PLA2R1: variants seen among roughly 807,000 people sequenced by gnomAD.
PLA2R1 encodes secretory phospholipase A2 receptor.
A neutral mutation model predicts 195.9 loss-of-function variants in PLA2R1; 158 were observed. The ratio of observed to expected loss-of-function variants is 0.81; its 90% CI spans 0.71 to 0.92. PLA2R1 has a LOEUF of 0.92. Ranked by LOEUF, PLA2R1 falls within the 40% of genes least tolerant of loss-of-function variation. The pLI is 0.00. For missense variants in PLA2R1, 1,626 were observed against 1,764.6 expected (o/e 0.92, Z 1.41); for synonymous variants, 586 against 598.2 (o/e 0.98, Z 0.30).
At chr2:159,978,903 A>G (rs948786698) in intron 14 of PLA2R1, among the ~76,000 whole-genome samples, 1 of 152,164 alleles carries the variant, frequency 6.6e-6, no homozygotes, top group Non-Finnish European at 1.5e-5. Flanking sequence ...ATGAGATATT[A>G]TAACATTGTG....
chr2:159,924,776 C>T, the PLA2R1 span, among the ~76,000 whole-genome samples: 1 of 150,764 alleles, frequency 6.6e-6, no homozygotes, highest in Non-Finnish European at 1.5e-5. Flanking sequence ...AAAATAAAAA[C>T]ACGAGAAGTG....
chr2:159,937,108 A>C lies in PLA2R1; in HGVS notation c.*4670T>G, dbSNP rs1686869510. On this transcript the variant is annotated 3_prime_UTR_variant, in exon 30 of 30. Transcript: ENST00000283243. Reference sequence around the variant, plus strand: ...CCTTCAGTTTTTTTTAAAGCATAGAAGTGGAAACACCCTACTTGCAAAGTG... The same window carrying C: ...CCTTCAGTTTTTTTTAAAGCATAGACGTGGAAACACCCTACTTGCAAAGTG... 1 of 152,182 alleles carries C rather than the reference A, an allele frequency of 6.6e-6. No individual in the cohort carries two copies. Among genetic ancestry groups the C allele is most frequent in the Non-Finnish European group, 1.5e-5 (1 of 68,028 alleles). 9.4% of individuals were successfully genotyped at this position (152,182 alleles called of 1,614,324 possible). A position where few individuals can be genotyped will look rare whatever the true frequency, so the allele number is the denominator to read the frequency against.
Position 159,955,820 on chromosome 2 carries a change from T to A in PLA2R1, c.3031A>T (p.Thr1011Ser), listed in dbSNP as rs759520911. 1.3e-6 allele frequency: 2 copies of A among 1,596,132 alleles called. No homozygotes were observed. The highest frequency in any genetic ancestry group is 1.7e-6 in the Non-Finnish European group (2 of 1,168,558). The change falls in exon 22 of 30, where the codon ACT (threonine) becomes TCT (serine). Residue 1011 changes from threonine (T) to serine (S), a missense_variant. By Grantham distance (58) the Thr-to-Ser change is moderately conservative (BLOSUM62 1). Coordinates refer to ENST00000283243, the MANE Select transcript of PLA2R1 (RefSeq NM_007366.5). ...IESEVEQAFI[T>S]MNLFGQTTSV... ...GTGGTCTGGCCAAAAAGATTCATAG[T>A]AATGAAAGCTGAAAAACAGGAATAC...
At chr2:160,011,763 G>A (rs376930523) in intron 10 of PLA2R1, among the ~76,000 whole-genome samples, 23 of 152,176 alleles carry the variant, frequency 1.5e-4, no homozygotes, top group Non-Finnish European at 2.9e-4. Context: ...CCTTTTGGGT[G>A]AGTTAACAAA....
Position 159,942,154 on chromosome 2 carries a change from G to C in PLA2R1, c.4150C>G (p.His1384Asp). 9.3e-6 allele frequency: 15 copies of C among 1,607,722 alleles called. No individual in the cohort carries two copies. The highest frequency in any genetic ancestry group is 1.2e-5 in the Non-Finnish European group (14 of 1,175,580). ...GFICKMEADI[H>D]TAEALPEKGP... ...TTTTCTGGCAGCGCCTCTGCAGTGTGAATATCTAAAATCAAATACAAAAAT... is the reference window on the plus strand; with the variant it reads ...TTTTCTGGCAGCGCCTCTGCAGTGTCAATATCTAAAATCAAATACAAAAAT... The change falls in exon 29 of 30, where the codon CAC (histidine) becomes GAC (aspartate). Residue 1384 changes from histidine (H) to aspartate (D), a missense_variant. Transcript: ENST00000283243.
intron 1 of PLA2R1, among the ~76,000 whole-genome samples, chr2:160,051,852 T>C (rs1285138029): frequency 1.3e-5 from 2 of 152,370 alleles, no homozygotes; most frequent in Non-Finnish European, 2.9e-5. Context: ...TCTCTCTGCA[T>C]GGAAATGTGC....
chr2:160,056,598 A>T (rs1695564105), intron 1 of PLA2R1, among the ~76,000 whole-genome samples: 1 of 152,074 alleles, frequency 6.6e-6, no homozygotes, highest in Non-Finnish European at 1.5e-5. Flanking sequence ...GTTTTTAAAT[A>T]TATATTTTCC....
intron 20 of PLA2R1, among the ~76,000 whole-genome samples, chr2:159,964,046 C>T (rs1435328569): frequency 6.6e-6 from 1 of 152,146 alleles, no homozygotes; most frequent in Non-Finnish European, 1.5e-5. Context: ...GCCCGTGCCA[C>T]ACAGGAATAT....
In PLA2R1 at chr2:159,956,627, A is replaced by C. The variant is rs767176033; in HGVS notation, c.2905T>G (p.Cys969Gly). 9.6e-6 allele frequency: 15 copies of C among 1,564,232 alleles called. No individual in the cohort carries two copies. The South Asian group carries it at 1.0e-4, about 10-fold the overall frequency. Residue 969 changes from cysteine to glycine, a missense_variant and splice_region_variant, in exon 21 of 30, where the codon TGC becomes GGC. Transcript: ENST00000283243. ...PKGWLYFNYK[C>G]LLLNIPKDPS... ...TCTTTGGGGATATTCAGCAGAAGGC[A>C]CTATCAAAAAATGTCAAAACAAAAC...
chr2:160,048,837 C>CTT (rs1559011533), intron 1 of PLA2R1, among the ~76,000 whole-genome samples: 1 of 143,704 alleles, frequency 7.0e-6, no homozygotes, highest in Non-Finnish European at 1.5e-5. Flanking sequence ...TTAGAAGAAA[C>CTT]ATTTTTTTTT....
In PLA2R1 at chr2:160,042,853, CAGAGGGAGAGAG is replaced by C. The variant is rs1694622435; in HGVS notation, c.494-667_494-656del. ...TGTGTGTGTGTGTGTATGTGTGAGACAGAGGGAGAGAGAGAGAGAGAGAGAAAGTGAGAGAGA... is the reference window on the plus strand; with the variant it reads ...TGTGTGTGTGTGTGTATGTGTGAGACAGAGAGAGAGAGAAAGTGAGAGAGA... On this transcript the variant is annotated intron_variant, in intron 2 of 29. Transcript: ENST00000283243. 3.3e-5 allele frequency among the ~76,000 whole-genome samples: 3 copies of C among 91,592 alleles called. No individual in the cohort carries two copies. The South Asian group carries it at 1.1e-3, about 33-fold the overall frequency. The allele number at this position is 91,592 out of a possible 152,430, so 60.1% of individuals were successfully genotyped here.
Position 159,934,929 on chromosome 2 carries a change from C to T in PLA2R1, c.*6849G>A, listed in dbSNP as rs554731639. ...ATCCATTTGAGGATTTCAACTTGCA[C>T]GTAGTTGTCATGTCTCTTTAGTGTC... On this transcript the variant is annotated 3_prime_UTR_variant, in exon 30 of 30. Coordinates refer to ENST00000283243, the MANE Select transcript of PLA2R1 (RefSeq NM_007366.5). 24 of 152,324 alleles carry T rather than the reference C, an allele frequency of 1.6e-4. 1 individual carries two copies. In the South Asian group the frequency reaches 3.1e-3, roughly 20 times the overall value. 9.4% of individuals were successfully genotyped at this position (152,324 alleles called of 1,614,324 possible).
At chr2:160,000,713 C>A (rs1449693809) in intron 11 of PLA2R1, among the ~76,000 whole-genome samples, 1 of 151,988 alleles carries the variant, frequency 6.6e-6, no homozygotes, top group Non-Finnish European at 1.5e-5. Flanking sequence ...CAAAGAACCA[C>A]AAACCAAATT....
intron 27 of PLA2R1, chr2:159,946,077 T>A (rs750195042): frequency 2.5e-5 from 23 of 931,428 alleles, no homozygotes; most frequent in Admixed American, 6.2e-5. Flanking sequence ...ACCAAGGGGG[T>A]AGGGGCGGTA....
At position 160,043,578 on chromosome 2, in the gene PLA2R1, A is replaced by G. The variant is rs1694681927; in HGVS notation, c.493+1196T>C. On this transcript the variant is annotated intron_variant, in intron 2 of 29. Coordinates refer to ENST00000283243, the MANE Select transcript of PLA2R1 (RefSeq NM_007366.5). The stretch of plus-strand genomic sequence containing the variant: ...CCAGCCTTAGCAGTTAGGGCTATTT[A>G]GGAACCGTAGGTATTTCAGGACATG... Among the ~76,000 whole-genome samples the G allele has an allele frequency of 2.6e-5, 4 of 152,272 alleles. No individual in the cohort carries two copies. The South Asian group carries it at 8.3e-4, about 32-fold the overall frequency.
chr2:159,998,081 C>A (rs1691348046), intron 11 of PLA2R1, among the ~76,000 whole-genome samples: 1 of 152,094 alleles, frequency 6.6e-6, no homozygotes, highest in Non-Finnish European at 1.5e-5. Context: ...AGGCCACAAT[C>A]ATACCTTCCT....
intron 6 of PLA2R1, among the ~76,000 whole-genome samples, chr2:160,026,993 C>T (rs1346880967): frequency 2.6e-5 from 4 of 152,062 alleles, no homozygotes; most frequent in East Asian, 1.9e-4. Context: ...ATTAGCCGGG[C>T]GTGGTGGCAG....
intron 13 of PLA2R1, among the ~76,000 whole-genome samples, chr2:159,983,047 G>A (rs1181736636): frequency 1.3e-5 from 2 of 152,270 alleles, no homozygotes; most frequent in Admixed American, 6.5e-5. Flanking sequence ...GGCCAAACTC[G>A]GGGGTGGGGG....
At chr2:159,970,388 A>G (rs772611329) in intron 17 of PLA2R1, among the ~76,000 whole-genome samples, 176 bp from the exon 18 acceptor site, 6 of 152,202 alleles carry the variant, frequency 3.9e-5, no homozygotes, top group Non-Finnish European at 7.3e-5. Flanking sequence ...ATCCTAAAAT[A>G]TTCCCCCCAT....
Sources: gnomAD v4.1 joint callset for allele counts (sites outside exome capture counted in the v4.1 genomes callset) on GRCh38, gnomAD v4.1.1 for gene constraint, MANE v1.5 for transcripts, NCBI Gene and HGNC (gene_info 2026-07-23, HGNC 2026-07-21) for gene names.